Variants in NTRK3 observed in about 807,000 individuals in gnomAD.
NTRK3 encodes the protein neurotrophic receptor tyrosine kinase 3.
NTRK3 carries 24 observed loss-of-function variants against 91.7 expected under a neutral mutation model. That is an observed-to-expected ratio of 0.26 (90% CI 0.19 to 0.37). NTRK3 has a LOEUF of 0.37. Ranked by LOEUF, NTRK3 falls within the 10% of genes least tolerant of loss-of-function variation. NTRK3 has a pLI of 1.00. For synonymous variants in NTRK3, 483 were observed against 404.0 expected, an observed-to-expected ratio of 1.20 and a Z score of -2.34; for missense variants, 880 against 1,068.9, an observed-to-expected ratio of 0.82 and a Z score of 2.46.
At chr15:87,897,250 G>A (rs2066181486) in intron 17 of NTRK3, among the ~76,000 whole-genome samples, 1 of 152,132 alleles carries the variant, frequency 6.6e-6, no homozygotes, top group Non-Finnish European at 1.5e-5. Context: ...TCTGAGGGAA[G>A]CCCCAGGAAC....
At chr15:87,974,474 C>A (rs1490538053) in intron 14 of NTRK3, among the ~76,000 whole-genome samples, 1 of 151,906 alleles carries the variant, frequency 6.6e-6, no homozygotes, top group Admixed American at 6.5e-5. Flanking sequence ...CAGACCTGGG[C>A]AGCCTAACCT....
intron 14 of NTRK3, chr15:87,978,874 C>A (rs934093731): frequency 7.6e-6 from 2 of 263,318 alleles, no homozygotes; most frequent in East Asian, 5.5e-5. Context: ...CTGGAGGTTG[C>A]AGGGCGACGA....
chr15:87,899,142 G>A (rs1596148202), intron 17 of NTRK3, among the ~76,000 whole-genome samples: 1 of 152,282 alleles, frequency 6.6e-6, no homozygotes. Flanking sequence ...ATTTGCAAGA[G>A]GTATTCTCTG....
At position 88,221,618 on chromosome 15, in the gene NTRK3, T is replaced by G. The variant is rs76674250; in HGVS notation, c.248+34288A>C. Among the ~76,000 whole-genome samples the G allele has an allele frequency of 6.9e-3, 1,057 of 152,302 alleles. 6 individuals are homozygous for G. Among genetic ancestry groups the G allele is most frequent in the African/African-American group, 0.024 (1,015 of 41,556 alleles). ...CCAGCCTGGGCAACATGGTGGAACCTCATCTCTATTTAAAAAAATAAAATG... is the reference window on the plus strand; with the variant it reads ...CCAGCCTGGGCAACATGGTGGAACCGCATCTCTATTTAAAAAAATAAAATG... On this transcript the variant is annotated intron_variant, in intron 3 of 18. Transcript: ENST00000394480.
chr15:87,942,260 C>A (rs1176937787), intron 14 of NTRK3, among the ~76,000 whole-genome samples: 1 of 152,240 alleles, frequency 6.6e-6, no homozygotes, highest in East Asian at 1.9e-4. Flanking sequence ...CAGCTGCTGA[C>A]GACCGCTCCT....
At chr15:88,015,023 T>G (rs1432859437) in intron 14 of NTRK3, among the ~76,000 whole-genome samples, 1 of 152,240 alleles carries the variant, frequency 6.6e-6, no homozygotes, top group African/African-American at 2.4e-5. Flanking sequence ...TAGATCGCTC[T>G]CATTTTCTAC....
At chr15:87,870,457 G>A (rs557560071) in exon 19 of NTRK3, 2 of 208,550 alleles carry the variant, frequency 9.6e-6, no homozygotes, top group African/African-American at 4.5e-5. Context: ...GGGAGTGAGG[G>A]ATAAAAGACT....
intron 5 of NTRK3, among the ~76,000 whole-genome samples, chr15:88,180,064 A>G (rs890282212): frequency 6.6e-6 from 1 of 152,192 alleles, no homozygotes; most frequent in Non-Finnish European, 1.5e-5. Context: ...AATAATTACT[A>G]TCATTACTAG....
At chr15:87,995,939 A>T (rs1203049356) in intron 14 of NTRK3, among the ~76,000 whole-genome samples, 1 of 152,182 alleles carries the variant, frequency 6.6e-6, no homozygotes, top group Non-Finnish European at 1.5e-5. Flanking sequence ...GAATTTTTCC[A>T]ACCATTTAAA....
chr15:88,030,855 A>C (rs573622787), intron 14 of NTRK3, among the ~76,000 whole-genome samples: 1 of 151,740 alleles, frequency 6.6e-6, no homozygotes, highest in African/African-American at 2.4e-5. Context: ...TTCTTGTTTC[A>C]ACTCTCATAC....
chr15:87,882,867 A>C (rs1419274032), intron 17 of NTRK3, among the ~76,000 whole-genome samples: 1 of 152,132 alleles, frequency 6.6e-6, no homozygotes, highest in Non-Finnish European at 1.5e-5. Flanking sequence ...GATAATGATG[A>C]CTAAAAAGCA....
chr15:88,068,412 G>C (rs2046836098), intron 13 of NTRK3, among the ~76,000 whole-genome samples: 1 of 152,066 alleles, frequency 6.6e-6, no homozygotes, highest in Non-Finnish European at 1.5e-5. Context: ...GCCTGGGCGA[G>C]AGAGGGAAAC....
At chr15:87,957,940 A>G (rs1200424299) in intron 14 of NTRK3, among the ~76,000 whole-genome samples, 1 of 152,190 alleles carries the variant, frequency 6.6e-6, no homozygotes, top group Non-Finnish European at 1.5e-5. Context: ...TCCTCCGAGG[A>G]GAGGAACTCA....
intron 3 of NTRK3, among the ~76,000 whole-genome samples, chr15:88,184,687 T>C (rs959621485): frequency 1.2e-4 from 19 of 152,198 alleles, no homozygotes; most frequent in Admixed American, 2.6e-4. Flanking sequence ...GCCTTTTTTT[T>C]CCCTTAGTTA....
intron 5 of NTRK3, among the ~76,000 whole-genome samples, chr15:88,158,030 C>T (rs2044082403): frequency 6.6e-6 from 1 of 152,194 alleles, no homozygotes; most frequent in African/African-American, 2.4e-5. Context: ...GGTGCCGGTC[C>T]TACCACTGCT....
chr15:88,162,676 A>G (rs970361855), intron 5 of NTRK3, among the ~76,000 whole-genome samples: 21 of 152,352 alleles, frequency 1.4e-4, no homozygotes, highest in Admixed American at 3.3e-4. Flanking sequence ...GACCTTTAAG[A>G]ATAATTAATA....
intron 13 of NTRK3, among the ~76,000 whole-genome samples, chr15:88,105,841 A>G (rs1252228987): frequency 1.3e-5 from 2 of 152,136 alleles, no homozygotes; most frequent in Admixed American, 1.3e-4. Context: ...AATCCCAGTC[A>G]AATCTCTCAA....
intron 11 of NTRK3, among the ~76,000 whole-genome samples, chr15:88,128,420 C>A (rs2053508509): frequency 6.6e-6 from 1 of 152,148 alleles, no homozygotes. Flanking sequence ...AAACCCATGT[C>A]CATCCTCACA....
chr15:87,964,452 TTATTA>T (rs1596439764), intron 14 of NTRK3, among the ~76,000 whole-genome samples: 3 of 151,496 alleles, frequency 2.0e-5, no homozygotes, highest in Non-Finnish European at 4.4e-5. Flanking sequence ...TTTTACATAT[TTATTA>T]TATAACTTAT....
Sources: gnomAD v4.1 joint callset for allele counts (sites outside exome capture counted in the v4.1 genomes callset) on GRCh38, gnomAD v4.1.1 for gene constraint, MANE v1.5 for transcripts, NCBI Gene and HGNC (gene_info 2026-07-23, HGNC 2026-07-21) for gene names.